ALK: variants seen among roughly 807,000 people sequenced by gnomAD.
The protein encoded by ALK is ALK receptor tyrosine kinase, also known as ALK tyrosine kinase receptor.
Under a neutral mutation model 163.1 loss-of-function variants are expected in ALK, and 74 were observed. The ratio of observed to expected loss-of-function variants is 0.45; its 90% confidence interval spans 0.38 to 0.55. The LOEUF (loss-of-function observed/expected upper bound fraction) is 0.55. ALK is among the 20% of genes least tolerant of loss of function. The probability of loss-of-function intolerance (pLI) is 0.00; values close to 1 mark genes in which losing one functional copy is unlikely to be tolerated. For missense variants in ALK, 2,063 were observed against 2,105.3 expected (o/e 0.98, Z 0.39); for synonymous variants, 960 against 843.2 (o/e 1.14, Z -2.40).
intron 4 of ALK, among the ~76,000 whole-genome samples, chr2:29,409,019 A>G (rs1260782381): frequency 6.6e-6 from 1 of 152,234 alleles, no homozygotes; most frequent in Non-Finnish European, 1.5e-5. Flanking sequence ...CTGAAGGCAA[A>G]GAACACCAGG....
Position 29,328,295 on chromosome 2 carries a change from G to T in ALK, c.1414+55C>A, listed in dbSNP as rs62130643. 2.9e-5 allele frequency: 47 copies of T among 1,612,930 alleles called. 1 individual carries two copies. In the South Asian group the frequency reaches 4.0e-4, roughly 14 times the overall value. Reference sequence around the variant, plus strand: ...TCATGCCTGGGATAATGGGGACAACGGGGTTATGAGCATGGGCTGGGCTCA... The same window carrying T: ...TCATGCCTGGGATAATGGGGACAACTGGGTTATGAGCATGGGCTGGGCTCA... On this transcript the variant is annotated intron_variant, in intron 6 of 28. Transcript: ENST00000389048.
rs117207942 is a variant in ALK at position 29,487,053 on chromosome 2, G to C, written c.1154+44862C>G. ...GACCTATATCAATGTTTCCAGAAGA[G>C]TTAGAGGGGATCATTTTCTTCAGGA... On this transcript the variant is annotated intron_variant, in intron 4 of 28. Transcript: ENST00000389048. Among the ~76,000 whole-genome samples the C allele has an allele frequency of 2.3e-3, 343 of 152,294 alleles. 3 individuals are homozygous for C. The highest frequency in any genetic ancestry group is 0.017 in the East Asian group (88 of 5,194).
At chr2:29,719,564 T>C (rs2148309021) in intron 1 of ALK, among the ~76,000 whole-genome samples, 1 of 152,356 alleles carries the variant, frequency 6.6e-6, no homozygotes, top group Admixed American at 6.5e-5. Context: ...GGTATGATGC[T>C]AAGTGCTTTA....
intron 2 of ALK, among the ~76,000 whole-genome samples, chr2:29,700,357 C>A (rs1678696637): frequency 6.6e-6 from 1 of 152,094 alleles, no homozygotes; most frequent in African/African-American, 2.4e-5. Context: ...TCAGCCTGAC[C>A]AAAATGGAGA....
intron 1 of ALK, among the ~76,000 whole-genome samples, chr2:29,755,105 G>A (rs923257334): frequency 2.4e-4 from 36 of 152,168 alleles, no homozygotes; most frequent in African/African-American, 8.2e-4. Flanking sequence ...GGAGTGGGAG[G>A]CTGAAGTGAC....
intron 4 of ALK, among the ~76,000 whole-genome samples, chr2:29,393,585 C>T (rs769943932): frequency 2.6e-5 from 4 of 152,216 alleles, no homozygotes; most frequent in Non-Finnish European, 4.4e-5. Flanking sequence ...TCTGCAATGG[C>T]TCACTCTTCA....
intron 11 of ALK, among the ~76,000 whole-genome samples, chr2:29,270,499 G>C (rs1179092494): frequency 6.6e-6 from 1 of 152,192 alleles, no homozygotes; most frequent in African/African-American, 2.4e-5. Flanking sequence ...GCAGTCCCGG[G>C]TTCCTAAACT....
chr2:29,398,567 T>A (rs1329752531), intron 4 of ALK, among the ~76,000 whole-genome samples: 11 of 152,108 alleles, frequency 7.2e-5, no homozygotes, highest in Admixed American at 6.5e-4. Context: ...AAAAACTGGC[T>A]CCTGGGGATG....
At chr2:29,322,919 G>T (rs1667114200) in intron 6 of ALK, among the ~76,000 whole-genome samples, 1 of 152,208 alleles carries the variant, frequency 6.6e-6, no homozygotes, top group South Asian at 2.1e-4. Flanking sequence ...CTGGAGGAAG[G>T]AGGAGGCCGG....
intron 2 of ALK, among the ~76,000 whole-genome samples, chr2:29,713,104 G>T (rs58281652): frequency 1.2e-4 from 19 of 152,254 alleles, no homozygotes; most frequent in Admixed American, 5.2e-4. Flanking sequence ...AATGCTGCCC[G>T]CAATCCTTGG....
intron 5 of ALK, among the ~76,000 whole-genome samples, chr2:29,348,672 T>C (rs1201456230): frequency 6.6e-6 from 1 of 152,254 alleles, no homozygotes; most frequent in Admixed American, 6.5e-5. Context: ...ACACATGTTA[T>C]GAAATTCAAT....
At chr2:29,462,454 C>G (rs1671106892) in intron 4 of ALK, among the ~76,000 whole-genome samples, 1 of 152,038 alleles carries the variant, frequency 6.6e-6, no homozygotes, top group Non-Finnish European at 1.5e-5. Flanking sequence ...CATCCACTAC[C>G]CTGATTAGTC....
chr2:29,778,080 C>A (rs543729435), intron 1 of ALK, among the ~76,000 whole-genome samples: 2 of 152,182 alleles, frequency 1.3e-5, no homozygotes, highest in African/African-American at 4.8e-5. Context: ...ATTACTACAG[C>A]GGGTCTTCAA....
chr2:29,695,140 C>G, intron 2 of ALK, 126 bp from the exon 3 acceptor site: 1 of 1,052,052 alleles, frequency 9.5e-7, no homozygotes, highest in Admixed American at 2.0e-5. Flanking sequence ...CAAGGGAGAT[C>G]AGTTGTCAAT....
At chr2:29,678,593 C>A (rs1042875347) in intron 3 of ALK, among the ~76,000 whole-genome samples, 1 of 144,556 alleles carries the variant, frequency 6.9e-6, no homozygotes, top group East Asian at 1.9e-4. Context: ...TCCTAATAGT[C>A]AGGGATTTCT....
intron 4 of ALK, among the ~76,000 whole-genome samples, chr2:29,437,303 A>G (rs1316645537): frequency 6.6e-6 from 1 of 152,130 alleles, no homozygotes; most frequent in Non-Finnish European, 1.5e-5. Flanking sequence ...GTTTCTCCAG[A>G]GAATCTGTTG....
intron 1 of ALK, among the ~76,000 whole-genome samples, chr2:29,719,438 C>T (rs540254870): frequency 1.3e-5 from 2 of 152,118 alleles, no homozygotes; most frequent in Admixed American, 6.5e-5. Context: ...AACTCTGTTT[C>T]GTAGATAGGC....
At chr2:29,493,845 G>A (rs1391510485) in intron 4 of ALK, among the ~76,000 whole-genome samples, 1 of 152,208 alleles carries the variant, frequency 6.6e-6, no homozygotes, top group Non-Finnish European at 1.5e-5. Context: ...TGGTGAGGCA[G>A]CCCAGTGAGG....
chr2:29,602,276 G>A (rs1167268317), intron 3 of ALK, among the ~76,000 whole-genome samples: 1 of 151,956 alleles, frequency 6.6e-6, no homozygotes, highest in African/African-American at 2.4e-5. Flanking sequence ...GACATATTCA[G>A]GATCCAACAT....
Sources: allele counts gnomAD v4.1 joint callset (sites outside exome capture counted in the v4.1 genomes callset), GRCh38; gene constraint gnomAD v4.1.1; transcripts MANE v1.5; gene names NCBI Gene and HGNC (gene_info 2026-07-23, HGNC 2026-07-21).